Variants in NUDCD1 observed in about 807,000 individuals in gnomAD.
The protein encoded by NUDCD1 is NudC domain containing 1.
Under a neutral mutation model 67.8 loss-of-function variants are expected in NUDCD1, and 60 were observed. That is an observed-to-expected ratio of 0.88 (90% CI 0.72 to 1.10). The LOEUF (loss-of-function observed/expected upper bound fraction) is 1.10. NUDCD1 is among the 50% of genes least tolerant of loss of function. NUDCD1 has a pLI of 0.00. For synonymous variants in NUDCD1, 244 were observed against 230.8 expected, an observed-to-expected ratio of 1.06 and a Z score of -0.52; for missense variants, 643 against 695.0, an observed-to-expected ratio of 0.93 and a Z score of 0.84.
intron 1 of NUDCD1, among the ~76,000 whole-genome samples, chr8:109,331,372 T>C (rs1815800590): frequency 6.6e-6 from 1 of 151,788 alleles, no homozygotes; most frequent in Non-Finnish European, 1.5e-5. Flanking sequence ...AAAAATTAGC[T>C]GGGCATGGTG....
At chr8:109,324,229 G>A (rs1276867990) in intron 1 of NUDCD1, among the ~76,000 whole-genome samples, 1 of 150,196 alleles carries the variant, frequency 6.7e-6, no homozygotes, top group Non-Finnish European at 1.5e-5. Context: ...CCATTATAAA[G>A]AGGGCAAAGA....
chr8:109,262,605 G>A (rs1471553198), intron 8 of NUDCD1, among the ~76,000 whole-genome samples: 1 of 152,156 alleles, frequency 6.6e-6, no homozygotes, highest in Non-Finnish European at 1.5e-5. Context: ...TCAGAATTGG[G>A]TATTTGGCAA....
intron 8 of NUDCD1, among the ~76,000 whole-genome samples, chr8:109,266,179 C>T (rs1389839279): frequency 6.6e-6 from 1 of 151,194 alleles, no homozygotes; most frequent in East Asian, 1.9e-4. Flanking sequence ...TGAAACATAT[C>T]CAAATGATTA....
intron 8 of NUDCD1, among the ~76,000 whole-genome samples, chr8:109,261,127 T>C (rs1249571673): frequency 1.3e-5 from 2 of 152,140 alleles, no homozygotes; most frequent in Non-Finnish European, 2.9e-5. Flanking sequence ...GGGAAACATA[T>C]TCATTAGATA....
chr8:109,248,822 T>C (rs1813559387), intron 8 of NUDCD1, among the ~76,000 whole-genome samples: 1 of 151,948 alleles, frequency 6.6e-6, no homozygotes, highest in Admixed American at 6.6e-5. Flanking sequence ...TTCCTTAAAA[T>C]ATAACATTTA....
At chr8:109,297,091 G>T (rs1371865549) in intron 2 of NUDCD1, among the ~76,000 whole-genome samples, 4 of 152,194 alleles carry the variant, frequency 2.6e-5, no homozygotes, top group Non-Finnish European at 5.9e-5. Context: ...GTGTGATATG[G>T]TAAGTGGTTA....
In NUDCD1 at chr8:109,325,204, G is replaced by A. The variant is rs376638582; in HGVS notation, c.119-2741C>T. 1.6e-4 allele frequency among the ~76,000 whole-genome samples: 24 copies of A among 152,192 alleles called. No homozygotes were observed. The South Asian group carries it at 5.0e-3, about 32-fold the overall frequency. ...AGTTATCAGAGGCTGGGAAAGATGG[G>A]GGTGGGGGATGAAGGGAGGTTGCTT... is the stretch of plus-strand genomic sequence containing the variant. On this transcript the variant is annotated intron_variant, in intron 1 of 9. Coordinates refer to ENST00000239690, the MANE Select transcript of NUDCD1 (RefSeq NM_032869.4).
intron 4 of NUDCD1, among the ~76,000 whole-genome samples, chr8:109,292,537 T>C (rs1563674360): frequency 6.6e-6 from 1 of 152,138 alleles, no homozygotes; most frequent in Admixed American, 6.6e-5. Context: ...AATATTTTTC[T>C]ACAGAGATGA....
chr8:109,245,529 A>C (rs760309532), intron 8 of NUDCD1, 48 bp from the exon 9 acceptor site: 1 of 1,450,688 alleles, frequency 6.9e-7, no homozygotes, highest in South Asian at 1.2e-5. Flanking sequence ...AATTAATAAT[A>C]GCAACAATAA....
intron 8 of NUDCD1, among the ~76,000 whole-genome samples, chr8:109,267,306 CTGT>C (rs1325273693): frequency 6.6e-6 from 1 of 152,020 alleles, no homozygotes; most frequent in Non-Finnish European, 1.5e-5. Context: ...GCTCTGGTGT[CTGT>C]TGTTTTTATT....
At chr8:109,320,279 A>T (rs1287878165) in intron 2 of NUDCD1, among the ~76,000 whole-genome samples, 4 of 152,188 alleles carry the variant, frequency 2.6e-5, no homozygotes, top group African/African-American at 9.7e-5. Flanking sequence ...TCACCTCTGC[A>T]GTCTCGACCA....
intron 5 of NUDCD1, among the ~76,000 whole-genome samples, chr8:109,283,989 TAAA>T (rs58089818): frequency 0.41 from 54,508 of 133,276 alleles, 10,906 homozygotes; most frequent in South Asian, 0.53. Context: ...AAAGCTGGAT[TAAA>T]AAAAAAAAAA....
At chr8:109,297,264 C>G (rs1260487054) in intron 2 of NUDCD1, among the ~76,000 whole-genome samples, 1 of 152,148 alleles carries the variant, frequency 6.6e-6, no homozygotes, top group Non-Finnish European at 1.5e-5. Flanking sequence ...AGACACCAGT[C>G]TGCGGTATGA....
chr8:109,292,438 T>TAGAC (rs1814731862), intron 4 of NUDCD1, among the ~76,000 whole-genome samples: 1 of 151,952 alleles, frequency 6.6e-6, no homozygotes, highest in Non-Finnish European at 1.5e-5. Context: ...GATAGACAGA[T>TAGAC]AGCTGTTTTA....
At chr8:109,270,076 G>A (rs1277727275) in intron 8 of NUDCD1, among the ~76,000 whole-genome samples, 1 of 81,818 alleles carries the variant, frequency 1.2e-5, no homozygotes, top group Non-Finnish European at 2.6e-5. Flanking sequence ...GCGGGGGGGG[G>A]GGGGGGTGCC....
intron 2 of NUDCD1, among the ~76,000 whole-genome samples, chr8:109,312,632 T>C (rs1815285529): frequency 6.6e-6 from 1 of 152,114 alleles, no homozygotes; most frequent in Non-Finnish European, 1.5e-5. Context: ...GGAAAAACTG[T>C]GCCAATAAAA....
chr8:109,280,202 A>G (rs1814400200), intron 6 of NUDCD1, among the ~76,000 whole-genome samples: 1 of 152,264 alleles, frequency 6.6e-6, no homozygotes. Flanking sequence ...CCGTGATGTC[A>G]TAAAAGAGAA....
At chr8:109,333,782 C>G (rs753577251) in intron 1 of NUDCD1, 111 bp downstream of exon 1, 15 of 1,206,342 alleles carry the variant, frequency 1.2e-5, no homozygotes, top group African/African-American at 7.6e-5. Context: ...ACGCAAGCCG[C>G]CACGGTGGCT....
intron 2 of NUDCD1, among the ~76,000 whole-genome samples, chr8:109,301,955 C>T (rs1046086772): frequency 4.6e-5 from 7 of 152,116 alleles, no homozygotes; most frequent in Non-Finnish European, 8.8e-5. Context: ...AAGTCAAGTG[C>T]GGGGATGCCT....
Sources: gnomAD v4.1 joint callset for allele counts (sites outside exome capture counted in the v4.1 genomes callset) on GRCh38, gnomAD v4.1.1 for gene constraint, MANE v1.5 for transcripts, NCBI Gene and HGNC (gene_info 2026-07-23, HGNC 2026-07-21) for gene names.